Variants in ADAM9 observed in about 807,000 individuals in gnomAD.
ADAM9 encodes the protein disintegrin and metalloproteinase domain-containing protein 9.
In ADAM9, 54 loss-of-function variants were observed where a neutral mutation model predicts 108.1. The ratio of observed to expected loss-of-function variants is 0.50; its 90% CI spans 0.40 to 0.63. The LOEUF (loss-of-function observed/expected upper bound fraction) is 0.63. ADAM9 is among the 20% of genes least tolerant of loss of function. The probability of loss-of-function intolerance (pLI) is 0.00; values close to 1 mark genes in which losing one functional copy is unlikely to be tolerated. For synonymous variants in ADAM9, 316 were observed against 336.0 expected (o/e 0.94, Z 0.65); for missense variants, 830 against 997.7 (o/e 0.83, Z 2.26).
intron 14 of ADAM9, among the ~76,000 whole-genome samples, chr8:39,065,509 A>C (rs915782467): frequency 6.6e-6 from 1 of 151,806 alleles, no homozygotes; most frequent in Non-Finnish European, 1.5e-5. Flanking sequence ...CAAATAAAAA[A>C]ATTAGCCTGG....
chr8:39,079,546 G>T (rs1298841669), intron 16 of ADAM9, among the ~76,000 whole-genome samples: 2 of 151,198 alleles, frequency 1.3e-5, no homozygotes, highest in Non-Finnish European at 2.9e-5. Context: ...TTATATCTAT[G>T]TAAATATGAT....
At chr8:39,077,933 CTG>C (rs1449437608) in intron 16 of ADAM9, among the ~76,000 whole-genome samples, 1 of 152,088 alleles carries the variant, frequency 6.6e-6, no homozygotes, top group African/African-American at 2.4e-5. Context: ...CGGGCAGAAA[CTG>C]TAAGAATTCG....
chr8:39,006,309 A>G (rs567244837), intron 1 of ADAM9, among the ~76,000 whole-genome samples: 20 of 152,254 alleles, frequency 1.3e-4, no homozygotes, highest in Non-Finnish European at 2.2e-4. Context: ...CATGCAGTAC[A>G]TTGGATATGA....
At chr8:38,997,818 TG>T (rs1367477146) in intron 1 of ADAM9, among the ~76,000 whole-genome samples, 1 of 152,250 alleles carries the variant, frequency 6.6e-6, no homozygotes, top group Non-Finnish European at 1.5e-5. Context: ...GTGTTTTTAT[TG>T]GGTTCGTACT....
chr8:39,094,670 G>A lies in ADAM9; in HGVS notation c.2298+3324G>A, dbSNP rs146416994. 3.6e-3 allele frequency among the ~76,000 whole-genome samples: 542 copies of A among 152,010 alleles called. 5 individuals are homozygous for A. Among genetic ancestry groups the A allele is most frequent in the African/African-American group, 0.012 (497 of 41,482 alleles). On this transcript the variant is annotated intron_variant, in intron 20 of 21. Coordinates refer to ENST00000487273, the MANE Select transcript of ADAM9 (RefSeq NM_003816.3). ...GTCTGGATAGGTTGTATGTTTCTAG[G>A]AATTTATTTTTTTCTAGGTTCAATT...
chr8:39,007,252 C>T (rs1002001221), intron 1 of ADAM9, among the ~76,000 whole-genome samples: 1 of 152,126 alleles, frequency 6.6e-6, no homozygotes, highest in Non-Finnish European at 1.5e-5. Context: ...AACAAGAACT[C>T]TTTCTCCTAC....
intron 14 of ADAM9, among the ~76,000 whole-genome samples, chr8:39,063,686 C>T (rs147336577): frequency 0.041 from 6,202 of 152,180 alleles, 436 homozygotes; most frequent in African/African-American, 0.14. Context: ...TGTGCCACTG[C>T]ACTCCAGCCT....
intron 14 of ADAM9, among the ~76,000 whole-genome samples, chr8:39,063,886 TCAGCCAGTCA>T: frequency 6.6e-6 from 1 of 152,312 alleles, no homozygotes; most frequent in East Asian, 1.9e-4. Context: ...CAATTTGCTT[TCAGCCAGTCA>T]CAGGATAAGA....
At chr8:39,071,197 C>A in intron 14 of ADAM9, 101 bp from the exon 15 acceptor site, 2 of 1,043,818 alleles carry the variant, frequency 1.9e-6, no homozygotes, top group Non-Finnish European at 2.9e-6. Flanking sequence ...GGTATTGAGG[C>A]TGTTCATCCA....
intron 1 of ADAM9, among the ~76,000 whole-genome samples, chr8:39,003,670 T>C (rs1564216448): frequency 2.0e-5 from 3 of 152,192 alleles, no homozygotes; most frequent in Admixed American, 6.5e-5. Flanking sequence ...GCATTTGTTA[T>C]GATGTTTTGG....
At chr8:39,086,717 T>C (rs1230446716) in intron 18 of ADAM9, among the ~76,000 whole-genome samples, 1 of 152,206 alleles carries the variant, frequency 6.6e-6, no homozygotes, top group Non-Finnish European at 1.5e-5. Context: ...TTGGATATTT[T>C]TGGATTTCTA....
At chr8:39,069,296 C>G (rs777884759) in intron 14 of ADAM9, among the ~76,000 whole-genome samples, 3 of 151,218 alleles carry the variant, frequency 2.0e-5, no homozygotes, top group African/African-American at 7.3e-5. Context: ...AGGGAAAATA[C>G]GTGCATGTAT....
chr8:39,062,171 G>C (rs1158422011), intron 14 of ADAM9, among the ~76,000 whole-genome samples: 1 of 152,136 alleles, frequency 6.6e-6, no homozygotes, highest in Non-Finnish European at 1.5e-5. Context: ...AACATTGAAG[G>C]GGTACACAAA....
chr8:39,103,804 A>C lies in ADAM9; in HGVS notation c.*104A>C, dbSNP rs748434356. ...AGCCTTTCTGTTGCAACTATGAATG[A>C]AAACAAAACACCACAAAACAGACTT... On this transcript the variant is annotated 3_prime_UTR_variant, in exon 22 of 22. Transcript: ENST00000487273. 2 of 1,073,440 alleles carry C rather than the reference A, an allele frequency of 1.9e-6. No individual in the cohort carries two copies. The highest frequency in any genetic ancestry group is 1.3e-5 in the South Asian group (1 of 77,848). 66.5% of individuals were successfully genotyped at this position (1,073,440 alleles called of 1,614,324 possible).
chr8:39,012,562 A>G (rs1266781716), intron 3 of ADAM9, among the ~76,000 whole-genome samples: 2 of 152,228 alleles, frequency 1.3e-5, no homozygotes, highest in Non-Finnish European at 2.9e-5. Context: ...TCCAACAATG[A>G]CAGACTGGAT....
intron 1 of ADAM9, among the ~76,000 whole-genome samples, chr8:38,998,788 T>C (rs978112309): frequency 6.6e-6 from 1 of 152,176 alleles, no homozygotes; most frequent in African/African-American, 2.4e-5. Flanking sequence ...TGAAAGAACA[T>C]GACTTTTTAG....
chr8:39,064,270 A>G (rs1486454758), intron 14 of ADAM9, among the ~76,000 whole-genome samples: 1 of 152,224 alleles, frequency 6.6e-6, no homozygotes, highest in East Asian at 1.9e-4. Context: ...GTCTTTAAAA[A>G]TCTAATCAGA....
At chr8:39,037,604 G>T (rs1204130338) in intron 11 of ADAM9, among the ~76,000 whole-genome samples, 28 of 151,384 alleles carry the variant, frequency 1.8e-4, no homozygotes, top group Non-Finnish European at 2.9e-5. Flanking sequence ...TTTTTGTAGA[G>T]ACAGGGTCTC....
At chr8:39,056,001 A>G (rs1026389727) in intron 14 of ADAM9, among the ~76,000 whole-genome samples, 16 of 152,110 alleles carry the variant, frequency 1.1e-4, no homozygotes, top group African/African-American at 3.9e-4. Flanking sequence ...TGTATCACGC[A>G]CACACACAGA....
Sources: allele counts gnomAD v4.1 joint callset (sites outside exome capture counted in the v4.1 genomes callset), GRCh38; gene constraint gnomAD v4.1.1; transcripts MANE v1.5; gene names NCBI Gene and HGNC (gene_info 2026-07-23, HGNC 2026-07-21).